Variants in RBM4 observed in about 807,000 individuals in gnomAD.
The protein encoded by RBM4 is RNA-binding protein 4.
In RBM4, 7 loss-of-function variants were observed where a neutral mutation model predicts 29.5. The observed-to-expected ratio is 0.24, with a 90% CI of 0.14 to 0.45. The LOEUF (loss-of-function observed/expected upper bound fraction) is 0.45. RBM4 is among the 20% of genes least tolerant of loss of function. RBM4 has a pLI of 1.00. For missense variants in RBM4, 387 were observed against 502.3 expected (o/e 0.77, Z 2.19); for synonymous variants, 220 against 205.4 (o/e 1.07, Z -0.61).
At chr11:66,657,124 T>A (rs1938964833) in intron 2 of RBM4, among the ~76,000 whole-genome samples, 1 of 147,842 alleles carries the variant, frequency 6.8e-6, no homozygotes, top group South Asian at 2.2e-4. Context: ...TTTTTTTTTT[T>A]TTTTTTTTTA....
chr11:66,646,926 A>G (rs1417819514), downstream of RBM4, among the ~76,000 whole-genome samples: 1 of 152,162 alleles, frequency 6.6e-6, no homozygotes, highest in Non-Finnish European at 1.5e-5. Context: ...TAGGCCAGTG[A>G]CATGTGTTGA....
intron 3 of RBM4, 31 bp from the exon 4 acceptor site, chr11:66,645,996 T>G (rs1305435773): frequency 6.5e-7 from 1 of 1,535,982 alleles, no homozygotes; most frequent in Non-Finnish European, 8.7e-7. Flanking sequence ...TGAGCTTTGC[T>G]GTAAAGCCGC....
chr11:66,639,593 G>C, intron 1 of RBM4, 107 bp from the exon 2 acceptor site: 1 of 1,360,104 alleles, frequency 7.4e-7, no homozygotes, highest in East Asian at 2.3e-5. Flanking sequence ...GTGTGCAGGC[G>C]TGTGAGAGAG....
At chr11:66,656,869 C>G (rs1394652076) in intron 2 of RBM4, among the ~76,000 whole-genome samples, 1 of 151,974 alleles carries the variant, frequency 6.6e-6, no homozygotes, top group Non-Finnish European at 1.5e-5. Context: ...CCATGTTGGC[C>G]AGGCTGGTCT....
chr11:66,645,519 C>T (rs1415782227), intron 3 of RBM4, among the ~76,000 whole-genome samples: 1 of 152,110 alleles, frequency 6.6e-6, no homozygotes, highest in African/African-American at 2.4e-5. Flanking sequence ...AGTTTCTTCC[C>T]TAGTTGGAAT....
chr11:66,658,947 A>ATATAT (rs1554970955), intron 2 of RBM4, among the ~76,000 whole-genome samples: 1 of 147,496 alleles, frequency 6.8e-6, no homozygotes, highest in African/African-American at 2.5e-5. Context: ...AAAAAAAAAA[A>ATATAT]ATATATATAT....
exon 3 of RBM4, chr11:66,666,118 TCA>T: frequency 6.3e-6 from 5 of 794,832 alleles, no homozygotes; most frequent in Non-Finnish European, 9.5e-6. Context: ...TGTCACACTG[TCA>T]CAGAGTGAGA....
At chr11:66,649,635 C>T, downstream of RBM4, 2 of 637,398 alleles carry the variant, frequency 3.1e-6, no homozygotes, top group Non-Finnish European at 2.8e-6. Flanking sequence ...TCAAGTGTAT[C>T]TTTGAGTGGA....
At position 66,646,147 on chromosome 11, in the gene RBM4, CT is replaced by C. The variant is rs1938683342; in HGVS notation, c.*131del. 7.9e-6 allele frequency: 12 copies of C among 1,528,236 alleles called. No homozygotes were observed. Among genetic ancestry groups the C allele is most frequent in the Non-Finnish European group, 1.1e-5 (12 of 1,142,744 alleles). The allele number at this position is 1,528,236 out of a possible 1,614,324, so 94.7% of individuals were successfully genotyped here. ...GTTCAGTCCCTCAGGAACCGTGGAC[CT>C]TAATTTACCTTGCTAAGTTCAGACC... On this transcript the variant is annotated 3_prime_UTR_variant, in exon 4 of 4. Coordinates refer to ENST00000310092, the MANE Select transcript of RBM4 (RefSeq NM_002896.4).
At chr11:66,650,494 C>T (rs1475617250), downstream of RBM4, among the ~76,000 whole-genome samples, 1 of 151,314 alleles carries the variant, frequency 6.6e-6, no homozygotes, top group African/African-American at 2.4e-5. Flanking sequence ...TTGCTTGAAG[C>T]TGGGAGGAGG....
intron 3 of RBM4, among the ~76,000 whole-genome samples, chr11:66,645,016 A>T (rs1175156761): frequency 2.0e-5 from 3 of 151,896 alleles, no homozygotes; most frequent in Non-Finnish European, 2.9e-5. Flanking sequence ...ATGCAGGCAC[A>T]CCTGTTAATT....
intron 2 of RBM4, among the ~76,000 whole-genome samples, chr11:66,653,971 C>T (rs1013044783): frequency 4.6e-5 from 7 of 152,006 alleles, no homozygotes; most frequent in African/African-American, 1.2e-4. Flanking sequence ...GTGCAAGGAT[C>T]GCTTGAGCAG....
At chr11:66,649,481 C>G (rs1308308218), downstream of RBM4, among the ~76,000 whole-genome samples, 1 of 152,148 alleles carries the variant, frequency 6.6e-6, no homozygotes, top group Non-Finnish European at 1.5e-5. Context: ...GAGTTTCAAG[C>G]TGTGGTGAGC....
At chr11:66,665,787 A>G in intron 2 of RBM4, 4 of 1,390,700 alleles carry the variant, frequency 2.9e-6, no homozygotes, top group Non-Finnish European at 3.9e-6. Flanking sequence ...GGCTATATAT[A>G]TAGGACAAGA....
chr11:66,645,107 C>G (rs1938636025), intron 3 of RBM4, among the ~76,000 whole-genome samples: 1 of 152,134 alleles, frequency 6.6e-6, no homozygotes, highest in Admixed American at 6.6e-5. Flanking sequence ...TTCTCACTAG[C>G]TGTTTTGGGC....
chr11:66,658,337 C>CTTTTTTTTTTTTTTTTTTTTTTT (rs35133059), intron 2 of RBM4, among the ~76,000 whole-genome samples: 6 of 50,460 alleles, frequency 1.2e-4, no homozygotes, highest in South Asian at 1.5e-3. Flanking sequence ...CTAGTCTGAC[C>CTTTTTTTTTTTTTTTTTTTTTTT]TTTTTTTTTT....
At chr11:66,652,556 A>G (rs959829770) in intron 2 of RBM4, among the ~76,000 whole-genome samples, 1 of 152,168 alleles carries the variant, frequency 6.6e-6, no homozygotes, top group African/African-American at 2.4e-5. Flanking sequence ...ATGTTCTTGC[A>G]TTATTAAGTT....
chr11:66,662,842 T>C (rs968301097), intron 2 of RBM4, among the ~76,000 whole-genome samples: 3 of 152,196 alleles, frequency 2.0e-5, no homozygotes, highest in African/African-American at 7.2e-5. Context: ...CCAGCATCTT[T>C]GCCTTATTTT....
intron 3 of RBM4, 47 bp from the exon 4 acceptor site, chr11:66,645,980 C>T: frequency 6.5e-7 from 1 of 1,535,868 alleles, no homozygotes. Context: ...AATGGGAAAG[C>T]CCTTTTGAGC....
Sources: gnomAD v4.1 joint callset for allele counts (sites outside exome capture counted in the v4.1 genomes callset) on GRCh38, gnomAD v4.1.1 for gene constraint, MANE v1.5 for transcripts, NCBI Gene and HGNC (gene_info 2026-07-23, HGNC 2026-07-21) for gene names.